The following RBPMS variants were observed in gnomAD, a reference collection of about 807,000 sequenced individuals.
The protein encoded by RBPMS is RNA binding protein, mRNA processing factor, also known as RNA-binding protein with multiple splicing.
In RBPMS, 7 loss-of-function variants were observed where a neutral mutation model predicts 26.8. The observed-to-expected ratio is 0.26, with a 90% confidence interval of 0.15 to 0.49. RBPMS has a LOEUF of 0.49. Among genes scored for constraint, RBPMS ranks in the 20% least tolerant of loss-of-function variants. The pLI, the probability that RBPMS is intolerant of heterozygous loss-of-function variation, is 0.98. For missense variants in RBPMS, 186 were observed against 250.0 expected (o/e 0.74, Z 1.73); for synonymous variants, 96 against 93.3 (o/e 1.03, Z -0.17).
At chr8:30,566,175 G>C in intron 7 of RBPMS, 82 bp from the exon 8 acceptor site, 1 of 797,102 alleles carries the variant, frequency 1.3e-6, no homozygotes, top group Non-Finnish European at 1.5e-6. Context: ...TCTGCCCTCA[G>C]AACAGGCCGG....
chr8:30,389,252 A>G (rs1274401446), intron 1 of RBPMS, among the ~76,000 whole-genome samples: 5 of 152,232 alleles, frequency 3.3e-5, no homozygotes, highest in African/African-American at 9.6e-5. Context: ...ACCCCTGTCA[A>G]TATGGCATGC....
At chr8:30,510,536 C>T (rs1396286461) in intron 5 of RBPMS, among the ~76,000 whole-genome samples, 1 of 151,346 alleles carries the variant, frequency 6.6e-6, no homozygotes, top group Non-Finnish European at 1.5e-5. Flanking sequence ...TATTATTTAC[C>T]TCCCAACCTG....
At chr8:30,523,022 T>C (rs1563408076) in intron 5 of RBPMS, among the ~76,000 whole-genome samples, 1 of 152,196 alleles carries the variant, frequency 6.6e-6, no homozygotes, top group Admixed American at 6.5e-5. Flanking sequence ...TGTTCTCTGT[T>C]TTCCTATCCC....
chr8:30,412,829 C>T (rs529291418), intron 1 of RBPMS, among the ~76,000 whole-genome samples: 1 of 152,234 alleles, frequency 6.6e-6, no homozygotes, highest in Admixed American at 6.5e-5. Context: ...ACATTTCCAA[C>T]AATAGTATGT....
intron 1 of RBPMS, among the ~76,000 whole-genome samples, chr8:30,410,184 A>ACACACACG (rs1554506746): frequency 4.1e-5 from 6 of 145,782 alleles, no homozygotes; most frequent in Non-Finnish European, 8.9e-5. Flanking sequence ...ACACACACAC[A>ACACACACG]CACACACTTA....
chr8:30,539,741 T>C (rs1260075294), intron 5 of RBPMS, among the ~76,000 whole-genome samples: 1 of 151,986 alleles, frequency 6.6e-6, no homozygotes, highest in Admixed American at 6.6e-5. Flanking sequence ...TTCTTGTGCC[T>C]CAGCCTCCCA....
intron 1 of RBPMS, among the ~76,000 whole-genome samples, chr8:30,391,377 T>A (rs1807773657): frequency 6.6e-6 from 1 of 152,250 alleles, no homozygotes; most frequent in Non-Finnish European, 1.5e-5. Flanking sequence ...ATGTTTGTGT[T>A]CAGTTTCATT....
chr8:30,439,575 C>A (rs1812841291), intron 1 of RBPMS, among the ~76,000 whole-genome samples: 1 of 152,062 alleles, frequency 6.6e-6, no homozygotes, highest in Non-Finnish European at 1.5e-5. Flanking sequence ...GGAAAAACTT[C>A]TTTCTTAGAG....
chr8:30,518,112 C>T (rs1032515116), intron 5 of RBPMS, among the ~76,000 whole-genome samples: 17 of 152,194 alleles, frequency 1.1e-4, no homozygotes, highest in South Asian at 1.0e-3. Context: ...CTGCTTTAGT[C>T]GTCTCAGAAG....
At chr8:30,516,109 G>C (rs1229682295) in intron 5 of RBPMS, among the ~76,000 whole-genome samples, 1 of 152,220 alleles carries the variant, frequency 6.6e-6, no homozygotes. Context: ...GCCAGGCACA[G>C]TGGCTCACGC....
At chr8:30,558,495 C>T (rs529038547) in intron 6 of RBPMS, 1 of 317,380 alleles carries the variant, frequency 3.2e-6, no homozygotes, top group East Asian at 7.3e-5. Flanking sequence ...ACCAAAGCAG[C>T]TATGTTTCCA....
At chr8:30,510,059 G>A (rs1318834854) in intron 5 of RBPMS, among the ~76,000 whole-genome samples, 1 of 152,188 alleles carries the variant, frequency 6.6e-6, no homozygotes, top group African/African-American at 2.4e-5. Flanking sequence ...TTTGCTGCAA[G>A]TGAGACTAAG....
At chr8:30,438,004 TTATC>T (rs1447692494) in intron 1 of RBPMS, among the ~76,000 whole-genome samples, 1 of 152,166 alleles carries the variant, frequency 6.6e-6, no homozygotes, top group Non-Finnish European at 1.5e-5. Flanking sequence ...AGGAAATGAT[TTATC>T]TATTTTGCAA....
intron 1 of RBPMS, among the ~76,000 whole-genome samples, chr8:30,431,510 A>T (rs1022723809): frequency 6.6e-6 from 1 of 150,668 alleles, no homozygotes; most frequent in Non-Finnish European, 1.5e-5. Context: ...ACTGGAGTAC[A>T]GTGGTGTGAT....
intron 5 of RBPMS, chr8:30,537,547 C>T (rs1458114486): frequency 6.6e-6 from 3 of 454,452 alleles, no homozygotes; most frequent in Admixed American, 2.4e-5. Context: ...GAGAATATGT[C>T]TTTACATAGA....
intron 4 of RBPMS, among the ~76,000 whole-genome samples, chr8:30,480,750 T>C (rs1189511457): frequency 6.6e-6 from 1 of 152,234 alleles, no homozygotes; most frequent in Non-Finnish European, 1.5e-5. Context: ...TTGCATTGAA[T>C]ACGTAAAAAC....
intron 4 of RBPMS, among the ~76,000 whole-genome samples, chr8:30,479,769 G>C (rs1818081663): frequency 6.6e-6 from 1 of 151,274 alleles, no homozygotes; most frequent in Non-Finnish European, 1.5e-5. Flanking sequence ...TGAAATCCTG[G>C]CTTTTTTTAT....
chr8:30,549,203 GTCCTGCC>G, intron 6 of RBPMS, among the ~76,000 whole-genome samples: 2 of 152,356 alleles, frequency 1.3e-5, no homozygotes, highest in South Asian at 4.1e-4. Context: ...TCACCTGGCA[GTCCTGCC>G]TCCCAAAAGT....
intron 1 of RBPMS, chr8:30,444,644 A>C (rs562104065): frequency 6.6e-6 from 1 of 152,144 alleles, no homozygotes; most frequent in Non-Finnish European, 1.5e-5. Flanking sequence ...ATCTGTGTGT[A>C]TTTTTCGCAT....
Sources: allele counts gnomAD v4.1 joint callset (sites outside exome capture counted in the v4.1 genomes callset), GRCh38; gene constraint gnomAD v4.1.1; transcripts MANE v1.5; gene names NCBI Gene and HGNC (gene_info 2026-07-23, HGNC 2026-07-21).